Variants in SLC39A9 observed in about 807,000 individuals in gnomAD.
SLC39A9 encodes solute carrier family 39 member 9.
In SLC39A9, 14 loss-of-function variants were observed where a neutral mutation model predicts 28.4. That is an observed-to-expected ratio of 0.49 (90% CI 0.33 to 0.77). The LOEUF (loss-of-function observed/expected upper bound fraction) is 0.77, where lower values mean the gene tolerates loss of function less well. Among genes scored for constraint, SLC39A9 ranks in the 30% least tolerant of loss-of-function variants. SLC39A9 has a pLI of 0.02. For missense variants in SLC39A9, 283 were observed against 381.1 expected (o/e 0.74, Z 2.14); for synonymous variants, 119 against 149.6 (o/e 0.80, Z 1.49).
intron 1 of SLC39A9, among the ~76,000 whole-genome samples, chr14:69,400,236 T>C (rs921742115): frequency 1.3e-5 from 2 of 152,256 alleles, no homozygotes; most frequent in African/African-American, 2.4e-5. Flanking sequence ...TAACTCACAT[T>C]TCCTTTTAAA....
At chr14:69,454,404 G>T (rs887973725) in intron 4 of SLC39A9, among the ~76,000 whole-genome samples, 1 of 152,082 alleles carries the variant, frequency 6.6e-6, no homozygotes, top group Non-Finnish European at 1.5e-5. Flanking sequence ...CAAGTAGCTG[G>T]GACTATTTTG....
chr14:69,461,043 T>TG lies in SLC39A9; in HGVS notation c.*2451dup. On this transcript the variant is annotated 3_prime_UTR_variant, in exon 7 of 7. Transcript: ENST00000336643. ...GCACATTTCAGTTCCGTTTTCCTCT[T>TG]GTTTAAAACTGCCTCTTTAGATGTG... 3 of 985,618 alleles carry TG rather than the reference T, an allele frequency of 3.0e-6. No individual in the cohort carries two copies. The highest frequency in any genetic ancestry group is 3.6e-6 in the Non-Finnish European group (3 of 830,084). 61.1% of individuals were successfully genotyped at this position (985,618 alleles called of 1,614,324 possible).
At chr14:69,398,512 C>T, upstream of SLC39A9, 1 of 564,762 alleles carries the variant, frequency 1.8e-6, no homozygotes. Context: ...GTCTTCCGTA[C>T]TTTCGTTATT....
In SLC39A9 at chr14:69,458,365, C is replaced by T. The variant is rs766145700; in HGVS notation, c.696C>T (p.Ser232=). 1.2e-6 allele frequency: 2 copies of T among 1,614,052 alleles called. No homozygotes were observed. Among genetic ancestry groups the T allele is most frequent in the Non-Finnish European group, 1.7e-6 (2 of 1,180,014 alleles). ...SMVTYLGLSK[S]SKEALSEVNA... ...TCTTTCTCTCTTCTAATTCACAGAGCAGTAAAGAAGCCCTTTCAGAGGTGA... is the reference window on the plus strand; with the variant it reads ...TCTTTCTCTCTTCTAATTCACAGAGTAGTAAAGAAGCCCTTTCAGAGGTGA... The change falls in exon 7 of 7, where the codon AGC becomes AGT. Residue 232 remains serine, a splice_region_variant and synonymous_variant. Coordinates refer to ENST00000336643, the MANE Select transcript of SLC39A9 (RefSeq NM_018375.5).
chr14:69,398,922 G>A lies in SLC39A9; in HGVS notation c.-448G>A. 1 of 198,194 alleles carries A rather than the reference G, an allele frequency of 5.0e-6. No homozygotes were observed. The highest frequency in any genetic ancestry group is 7.2e-5 in the South Asian group (1 of 13,810). The allele number at this position is 198,194 out of a possible 1,614,324, so 12.3% of individuals were successfully genotyped here. Reference sequence around the variant, plus strand: ...TGGTGGGCTGGTTTCCTGCTCTGGGGGGCGGATCACCTTCGGGGCCGCCTC... The same window carrying A: ...TGGTGGGCTGGTTTCCTGCTCTGGGAGGCGGATCACCTTCGGGGCCGCCTC... On this transcript the variant is annotated 5_prime_UTR_variant, in exon 1 of 7. Coordinates refer to ENST00000336643, the MANE Select transcript of SLC39A9 (RefSeq NM_018375.5).
At chr14:69,456,920 C>T (rs1885889648) in intron 6 of SLC39A9, among the ~76,000 whole-genome samples, 1 of 152,164 alleles carries the variant, frequency 6.6e-6, no homozygotes, top group African/African-American at 2.4e-5. Context: ...TTCCATTTAC[C>T]TGAAGAGCCT....
chr14:69,404,001 C>T lies in SLC39A9; in HGVS notation c.96+4536C>T, dbSNP rs995420474. The stretch of plus-strand genomic sequence containing the variant: ...GAGGTTGCAGTGAACCAACATTGCG[C>T]CATTGCACTCCAGCCTGGGCAGCAA... On this transcript the variant is annotated intron_variant, in intron 1 of 6. Transcript: ENST00000336643. 3.9e-4 allele frequency among the ~76,000 whole-genome samples: 59 copies of T among 152,152 alleles called. 2 individuals carry two copies. The highest frequency in any genetic ancestry group is 2.9e-5 in the Non-Finnish European group (2 of 68,030).
intron 3 of SLC39A9, among the ~76,000 whole-genome samples, chr14:69,445,715 G>A (rs1282786493): frequency 6.6e-6 from 1 of 152,198 alleles, no homozygotes; most frequent in Admixed American, 6.5e-5. Context: ...ACTGCATGGG[G>A]TGAGGTGGAG....
At chr14:69,413,906 A>G (rs928172527) in intron 1 of SLC39A9, among the ~76,000 whole-genome samples, 1 of 152,038 alleles carries the variant, frequency 6.6e-6, no homozygotes, top group African/African-American at 2.4e-5. Context: ...ATCATTTTTT[A>G]TATTTTCTCC....
chr14:69,405,084 C>T (rs1218286075), intron 1 of SLC39A9, among the ~76,000 whole-genome samples: 1 of 152,164 alleles, frequency 6.6e-6, no homozygotes, highest in African/African-American at 2.4e-5. Context: ...CTCGTGAGAA[C>T]TCACTGTCAC....
chr14:69,412,543 A>G (rs1883332869), intron 1 of SLC39A9, among the ~76,000 whole-genome samples: 1 of 152,180 alleles, frequency 6.6e-6, no homozygotes, highest in Non-Finnish European at 1.5e-5. Context: ...TCCTGGCACA[A>G]ATATTCTAAA....
At chr14:69,412,692 T>C (rs897330113) in intron 1 of SLC39A9, among the ~76,000 whole-genome samples, 1 of 152,194 alleles carries the variant, frequency 6.6e-6, no homozygotes, top group Non-Finnish European at 1.5e-5. Flanking sequence ...TGCCAGATAC[T>C]TCCTTATAAA....
At chr14:69,420,917 C>T (rs1371033054) in intron 1 of SLC39A9, among the ~76,000 whole-genome samples, 1 of 152,168 alleles carries the variant, frequency 6.6e-6, no homozygotes, top group African/African-American at 2.4e-5. Context: ...AGGTTTTAAG[C>T]TTCCTTGCGA....
intron 2 of SLC39A9, among the ~76,000 whole-genome samples, chr14:69,433,044 G>T (rs1407460187): frequency 6.6e-6 from 1 of 152,122 alleles, no homozygotes; most frequent in Non-Finnish European, 1.5e-5. Context: ...ATGAATTTTA[G>T]AATAGTTTTT....
chr14:69,441,070 G>T (rs1885026808), intron 2 of SLC39A9, among the ~76,000 whole-genome samples: 1 of 152,182 alleles, frequency 6.6e-6, no homozygotes, highest in Non-Finnish European at 1.5e-5. Flanking sequence ...CTGAGCCCCA[G>T]ATTTCAAGAC....
At chr14:69,434,293 A>G (rs1884640194) in intron 2 of SLC39A9, among the ~76,000 whole-genome samples, 1 of 151,656 alleles carries the variant, frequency 6.6e-6, no homozygotes. Context: ...CATATTGGTC[A>G]GGCTGGTCTT....
chr14:69,461,803 A>T lies in SLC39A9; in HGVS notation c.*3210A>T. On this transcript the variant is annotated 3_prime_UTR_variant, in exon 7 of 7. Coordinates refer to ENST00000336643, the MANE Select transcript of SLC39A9 (RefSeq NM_018375.5). ...CCGTATGACAGCAGCACAAACCCCC[A>T]AAGGATGTTCCTGCCTTGTGGGCCC... The T allele has an allele frequency of 1.3e-6, 2 of 1,490,390 alleles. No homozygotes were observed. The highest frequency in any genetic ancestry group is 1.8e-6 in the Non-Finnish European group (2 of 1,113,540). 92.3% of individuals were successfully genotyped at this position (1,490,390 alleles called of 1,614,324 possible). A position where few individuals can be genotyped will look rare whatever the true frequency, so the allele number is the denominator to read the frequency against.
At chr14:69,421,694 T>C (rs1883904840) in intron 1 of SLC39A9, among the ~76,000 whole-genome samples, 1 of 152,200 alleles carries the variant, frequency 6.6e-6, no homozygotes, top group Non-Finnish European at 1.5e-5. Flanking sequence ...GTTTACCTAC[T>C]CCAGCCTCAG....
intron 3 of SLC39A9, among the ~76,000 whole-genome samples, 164 bp downstream of exon 3, chr14:69,442,430 T>C (rs112259049): frequency 6.6e-6 from 1 of 152,288 alleles, no homozygotes; most frequent in African/African-American, 2.4e-5. Flanking sequence ...AGCTAGTGAG[T>C]TGTGGCATGT....
Sources: gnomAD v4.1 joint callset for allele counts (sites outside exome capture counted in the v4.1 genomes callset) on GRCh38, gnomAD v4.1.1 for gene constraint, MANE v1.5 for transcripts, NCBI Gene and HGNC (gene_info 2026-07-23, HGNC 2026-07-21) for gene names.